The following PKHD1L1 variants were observed in gnomAD, a reference collection of about 807,000 sequenced individuals.
The protein encoded by PKHD1L1 is PKHD1 like 1.
In PKHD1L1, 434 loss-of-function variants were observed where a neutral mutation model predicts 462.9. The ratio of observed to expected loss-of-function variants is 0.94; its 90% confidence interval spans 0.87 to 1.02. The LOEUF is 1.02. Ranked by LOEUF, PKHD1L1 falls within the 50% of genes least tolerant of loss-of-function variation. The pLI, the probability that PKHD1L1 is intolerant of heterozygous loss-of-function variation, is 0.00. For synonymous variants in PKHD1L1, 1,781 were observed against 1,750.0 expected, an observed-to-expected ratio of 1.02 and a Z score of -0.44; for missense variants, 5,202 against 5,096.1, an observed-to-expected ratio of 1.02 and a Z score of -0.63.
chr8:109,430,161 AC>A (rs1313775119), intron 27 of PKHD1L1, 124 bp downstream of exon 27: 2 of 521,192 alleles, frequency 3.8e-6, no homozygotes, highest in Non-Finnish European at 6.6e-6. Flanking sequence ...AAACAGTTCT[AC>A]ATTGTGAAAA....
chr8:109,397,162 C>A (rs561554276), intron 11 of PKHD1L1, among the ~76,000 whole-genome samples: 1 of 152,154 alleles, frequency 6.6e-6, no homozygotes, highest in Non-Finnish European at 1.5e-5. Flanking sequence ...ATACGACTAT[C>A]ATACAGTTGA....
intron 9 of PKHD1L1, among the ~76,000 whole-genome samples, chr8:109,391,127 T>C (rs1812691758): frequency 6.6e-6 from 1 of 152,188 alleles, no homozygotes; most frequent in East Asian, 1.9e-4. Flanking sequence ...GCAGCAGGCA[T>C]GGTATTAAGC....
chr8:109,501,406 G>GT (rs1214483801), intron 67 of PKHD1L1, among the ~76,000 whole-genome samples: 1 of 152,164 alleles, frequency 6.6e-6, no homozygotes, highest in African/African-American at 2.4e-5. Context: ...TCCTAGTATG[G>GT]TGGTGCTAAC....
intron 14 of PKHD1L1, among the ~76,000 whole-genome samples, chr8:109,404,043 C>T (rs747862105): frequency 8.6e-5 from 13 of 151,978 alleles, no homozygotes; most frequent in Admixed American, 2.0e-4. Flanking sequence ...TAAATCTGAC[C>T]GGTAAAAGTT....
intron 2 of PKHD1L1, among the ~76,000 whole-genome samples, chr8:109,380,993 C>T (rs1812081293): frequency 6.6e-6 from 1 of 152,104 alleles, no homozygotes; most frequent in East Asian, 1.9e-4. Flanking sequence ...GCCTGTCATC[C>T]ACGAATCTAA....
chr8:109,464,956 A>C lies in PKHD1L1; in HGVS notation c.8124A>C (p.Lys2708Asn), dbSNP rs760820659. 6.2e-7 allele frequency: 1 copy of C among 1,613,834 alleles called. No homozygotes were observed. Among genetic ancestry groups the C allele is most frequent in the South Asian group, 1.1e-5 (1 of 91,086 alleles). Residue 2708 changes from lysine (K) to asparagine (N), a missense_variant, in exon 49 of 78, where the codon AAA becomes AAC. By Grantham distance (94) the Lys-to-Asn change is moderately conservative. Transcript: ENST00000378402. ...ETNGAVIKNA[K>N]IVGHLDELGM... ...ATGGAGCGGTGATTAAAAATGCCAA[A>C]ATAGTCGGCCATCTTGATGAACTGG...
Position 109,440,692 on chromosome 8 carries a change from A to T in PKHD1L1, c.3957-18A>T. ...CAGTAGGAAGCTCATTGAAAAATCT[A>T]TTCATTTTTTTTCTCAGAGACAAAT... On this transcript the variant is annotated intron_variant, in intron 32 of 77. Coordinates refer to ENST00000378402, the MANE Select transcript of PKHD1L1 (RefSeq NM_177531.6). The T allele has an allele frequency of 6.2e-7, 1 of 1,600,514 alleles. No individual in the cohort carries two copies. Among genetic ancestry groups the T allele is most frequent in the Non-Finnish European group, 8.5e-7 (1 of 1,170,858 alleles).
intron 70 of PKHD1L1, among the ~76,000 whole-genome samples, chr8:109,508,952 G>A (rs1586644419): frequency 6.6e-6 from 1 of 152,016 alleles, no homozygotes; most frequent in East Asian, 1.9e-4. Context: ...GGGATTCATC[G>A]TATATCCTTG....
chr8:109,427,026 C>A lies in PKHD1L1; in HGVS notation c.2870C>A (p.Ala957Glu), dbSNP rs35375999. Reference sequence around the variant, plus strand: ...GGCCTCCCCGCTGCTGTGTCAGCTGCAGATCTGCAGTTTGCACTCCAGAGT... The same window carrying A: ...GGCCTCCCCGCTGCTGTGTCAGCTGAAGATCTGCAGTTTGCACTCCAGAGT... ...LKGLPAAVSA[A>E]DLQFALQSLE... Residue 957 changes from alanine to glutamate, a missense_variant, in exon 25 of 78, where the codon GCA becomes GAA. By Grantham distance (107) the Ala-to-Glu change is moderately radical. Coordinates refer to ENST00000378402, the MANE Select transcript of PKHD1L1 (RefSeq NM_177531.6). 3,649 of 1,592,730 alleles carry A rather than the reference C, an allele frequency of 2.3e-3. 76 individuals are homozygous for A. The African/African-American group carries it at 0.043, about 19-fold the overall frequency.
In PKHD1L1 at chr8:109,526,877, G is replaced by A. The variant is rs772112786; in HGVS notation, c.12578G>A (p.Gly4193Asp). 1.9e-6 allele frequency: 3 copies of A among 1,584,614 alleles called. No homozygotes were observed. Among genetic ancestry groups the A allele is most frequent in the South Asian group, 2.3e-5 (2 of 87,704 alleles). ...SLLAESVSSS[G>D]SSSSSNSKAS... ...CTGGCAGAGTCTGTCTCTAGCAGTG[G>A]CAGCAGCAGCAGCAGCAACAGCAAA... Residue 4193 changes from glycine to aspartate, a missense_variant, in exon 77 of 78, where the codon GGC (glycine) becomes GAC (aspartate). Physicochemically the swap from Gly to Asp is moderately conservative, Grantham distance 94 (BLOSUM62 -1). Transcript: ENST00000378402.
At chr8:109,479,897 C>T (rs1818185769) in intron 54 of PKHD1L1, 94 bp from the exon 55 acceptor site, 1 of 1,234,564 alleles carries the variant, frequency 8.1e-7, no homozygotes, top group Non-Finnish European at 1.1e-6. Flanking sequence ...GTCATAAACA[C>T]TCAAAACTAG....
intron 21 of PKHD1L1, among the ~76,000 whole-genome samples, chr8:109,414,144 T>G (rs986688109): frequency 1.3e-5 from 2 of 152,208 alleles, no homozygotes; most frequent in African/African-American, 4.8e-5. Flanking sequence ...ATGTCAGTTG[T>G]GACTGCATTT....
intron 2 of PKHD1L1, among the ~76,000 whole-genome samples, chr8:109,372,412 G>A (rs1259632075): frequency 1.3e-5 from 2 of 152,134 alleles, no homozygotes; most frequent in East Asian, 1.9e-4. Context: ...GGGCTGAGAC[G>A]ACTGGGTTAT....
At chr8:109,404,755 C>T (rs376065076) in intron 15 of PKHD1L1, 42 bp downstream of exon 15, 33 of 1,514,516 alleles carry the variant, frequency 2.2e-5, no homozygotes, top group Admixed American at 4.3e-5. Context: ...AGTAAATGTT[C>T]GAAGGCAGGA....
In PKHD1L1 at chr8:109,444,029, A is replaced by G. The variant is rs1280237493; in HGVS notation, c.4791+127A>G. 15 of 790,064 alleles carry G rather than the reference A, an allele frequency of 1.9e-5. No individual in the cohort carries two copies. The Admixed American group carries it at 4.6e-4, about 24-fold the overall frequency. The allele number at this position is 790,064 out of a possible 1,614,324, so 48.9% of individuals were successfully genotyped here. ...ATATCACATACCATACAATTCACCC[A>G]CTTAAAGTGTACAATTCATAAACTT... is the stretch of plus-strand genomic sequence containing the variant. On this transcript the variant is annotated intron_variant, in intron 37 of 77. Coordinates refer to ENST00000378402, the MANE Select transcript of PKHD1L1 (RefSeq NM_177531.6).
At chr8:109,469,834 T>C (rs1817633532) in intron 50 of PKHD1L1, among the ~76,000 whole-genome samples, 1 of 152,144 alleles carries the variant, frequency 6.6e-6, no homozygotes. Context: ...TAAAATATTT[T>C]AAACAAAATA....
At position 109,531,475 on chromosome 8, in the gene PKHD1L1, C is replaced by A. The variant is rs1341207608; in HGVS notation, c.*1385C>A. On this transcript the variant is annotated 3_prime_UTR_variant, in exon 78 of 78. Transcript: ENST00000378402. ...AAAGACAGAGAGATAGAGACAGAGA[C>A]AGAGAGGGAGGGGGAGAGAGAGATA... 4.7e-5 allele frequency among the ~76,000 whole-genome samples: 7 copies of A among 150,134 alleles called. No homozygotes were observed. The highest frequency in any genetic ancestry group is 4.6e-4 in the Admixed American group (7 of 15,074).
chr8:109,451,167 A>G lies in PKHD1L1; in HGVS notation c.6350+18A>G. The G allele has an allele frequency of 6.3e-7, 1 of 1,583,620 alleles. No individual in the cohort carries two copies. The highest frequency in any genetic ancestry group is 8.6e-7 in the Non-Finnish European group (1 of 1,161,300). ...GGATTCAGGTACTGTCTCCACACAA[A>G]CACGCATCATTGTGCATTTCCAGAC... On this transcript the variant is annotated intron_variant, in intron 41 of 77. Transcript: ENST00000378402.
intron 43 of PKHD1L1, among the ~76,000 whole-genome samples, chr8:109,453,170 T>A (rs1299802842): frequency 1.3e-5 from 2 of 152,178 alleles, no homozygotes; most frequent in Non-Finnish European, 2.9e-5. Flanking sequence ...TTTGGTTCAA[T>A]AACAATGTGG....
Sources: gnomAD v4.1 joint callset for allele counts (sites outside exome capture counted in the v4.1 genomes callset) on GRCh38, gnomAD v4.1.1 for gene constraint, MANE v1.5 for transcripts, NCBI Gene and HGNC (gene_info 2026-07-23, HGNC 2026-07-21) for gene names.